Variants in HS3ST5 observed in about 807,000 individuals in gnomAD.
HS3ST5 encodes the protein heparan sulfate-glucosamine 3-sulfotransferase 5.
Under a neutral mutation model 25.4 loss-of-function variants are expected in HS3ST5, and 10 were observed. The observed-to-expected ratio is 0.39, with a 90% CI of 0.24 to 0.67. The LOEUF is 0.67. Among genes scored for constraint, HS3ST5 ranks in the 30% least tolerant of loss-of-function variants. The pLI, the probability that HS3ST5 is intolerant of heterozygous loss-of-function variation, is 0.44. For synonymous variants in HS3ST5, 170 were observed against 162.4 expected (o/e 1.05, Z -0.36); for missense variants, 324 against 420.7 (o/e 0.77, Z 2.01).
intron 1 of HS3ST5, among the ~76,000 whole-genome samples, chr6:114,232,258 A>C (rs1404320660): frequency 2.0e-5 from 3 of 152,216 alleles, no homozygotes; most frequent in Non-Finnish European, 2.9e-5. Context: ...GTATATACTA[A>C]TAAGAAAGCT....
Position 114,097,393 on chromosome 6 carries a change from C to A in HS3ST5, c.-32-34516G>T, listed in dbSNP as rs538022081. On this transcript the variant is annotated intron_variant, in intron 3 of 4. Coordinates refer to ENST00000312719, the MANE Select transcript of HS3ST5 (RefSeq NM_153612.4). ...GCAAAATGCAAAACTTGTTTAACAA[C>A]TTTTCCTAGGAACATTAAAACATAT... 7.2e-5 allele frequency among the ~76,000 whole-genome samples: 11 copies of A among 151,978 alleles called. 1 individual carries two copies. In the East Asian group the frequency reaches 2.1e-3, roughly 29 times the overall value.
intron 1 of HS3ST5, among the ~76,000 whole-genome samples, chr6:114,257,924 T>C (rs1171526072): frequency 6.6e-6 from 1 of 151,984 alleles, no homozygotes; most frequent in African/African-American, 2.4e-5. Flanking sequence ...GATAGATAGA[T>C]AGATTGATTG....
At chr6:114,117,466 T>C (rs1272997537) in intron 3 of HS3ST5, among the ~76,000 whole-genome samples, 1 of 152,162 alleles carries the variant, frequency 6.6e-6, no homozygotes, top group East Asian at 1.9e-4. Context: ...TTCTGTAAAT[T>C]AGGGTAATAC....
chr6:114,077,576 A>T (rs1430951321), intron 3 of HS3ST5, among the ~76,000 whole-genome samples: 1 of 152,214 alleles, frequency 6.6e-6, no homozygotes, highest in African/African-American at 2.4e-5. Flanking sequence ...ACATCATTCT[A>T]GTGATATAGG....
chr6:114,183,556 C>T (rs1283757923), intron 2 of HS3ST5, among the ~76,000 whole-genome samples: 1 of 152,168 alleles, frequency 6.6e-6, no homozygotes. Context: ...CCTATTGGTT[C>T]TGTGTCTCTG....
At chr6:114,312,120 A>G (rs745405019) in intron 1 of HS3ST5, among the ~76,000 whole-genome samples, 3 of 152,224 alleles carry the variant, frequency 2.0e-5, no homozygotes, top group Non-Finnish European at 4.4e-5. Flanking sequence ...CTAATACTAA[A>G]TTCTCCAGGA....
intron 3 of HS3ST5, among the ~76,000 whole-genome samples, chr6:114,080,735 A>G (rs1228004796): frequency 6.6e-6 from 1 of 152,210 alleles, no homozygotes; most frequent in Non-Finnish European, 1.5e-5. Context: ...AACATTGAGC[A>G]CCCATGGACA....
chr6:114,193,613 GA>G (rs571854009), intron 2 of HS3ST5, among the ~76,000 whole-genome samples: 4 of 152,216 alleles, frequency 2.6e-5, no homozygotes, highest in African/African-American at 9.6e-5. Flanking sequence ...TATATAATAG[GA>G]AAAGAAACAG....
chr6:114,276,720 C>T (rs1210167117), intron 1 of HS3ST5, among the ~76,000 whole-genome samples: 3 of 151,784 alleles, frequency 2.0e-5, no homozygotes, highest in South Asian at 4.2e-4. Context: ...CTCTTTAACT[C>T]ATATTTTATA....
At chr6:114,155,984 C>A (rs542478636) in intron 3 of HS3ST5, among the ~76,000 whole-genome samples, 1 of 152,174 alleles carries the variant, frequency 6.6e-6, no homozygotes, top group African/African-American at 2.4e-5. Context: ...AAAAACAAAT[C>A]CTGAGGAAAA....
intron 3 of HS3ST5, among the ~76,000 whole-genome samples, chr6:114,073,685 TTGATGGGAGTGTAAACTACCTAC>T (rs1179086350): frequency 6.6e-6 from 1 of 152,196 alleles, no homozygotes; most frequent in Non-Finnish European, 1.5e-5. Context: ...TTTTACACTG[TTGATGGGAGTGTAAACTACCTAC>T]TAGTTCAATC....
At chr6:114,254,267 AT>A in intron 1 of HS3ST5, among the ~76,000 whole-genome samples, 1 of 152,360 alleles carries the variant, frequency 6.6e-6, no homozygotes, top group Middle Eastern at 3.4e-3. Flanking sequence ...TCCCAAATGA[AT>A]GTGTTTAAAT....
At chr6:114,155,092 G>C (rs780166234) in intron 3 of HS3ST5, among the ~76,000 whole-genome samples, 1 of 152,154 alleles carries the variant, frequency 6.6e-6, no homozygotes, top group Non-Finnish European at 1.5e-5. Context: ...TGCTTGAGAC[G>C]TATTTGTTGA....
At chr6:114,142,503 C>T (rs187020315) in intron 3 of HS3ST5, among the ~76,000 whole-genome samples, 45 of 152,060 alleles carry the variant, frequency 3.0e-4, no homozygotes, top group African/African-American at 1.0e-3. Context: ...GCAGTTACTG[C>T]GAGGGTGGGT....
intron 2 of HS3ST5, among the ~76,000 whole-genome samples, chr6:114,177,376 G>A (rs756234298): frequency 6.6e-6 from 1 of 152,312 alleles, no homozygotes; most frequent in Non-Finnish European, 1.5e-5. Context: ...TCACTCTAGT[G>A]TTCCTAAAGT....
chr6:114,207,054 C>T (rs567382430), intron 2 of HS3ST5, among the ~76,000 whole-genome samples: 2 of 152,246 alleles, frequency 1.3e-5, no homozygotes, highest in African/African-American at 4.8e-5. Context: ...TTATTTATTG[C>T]TATTCAATTC....
chr6:114,326,400 A>G (rs1392527978), intron 1 of HS3ST5, among the ~76,000 whole-genome samples: 1 of 152,084 alleles, frequency 6.6e-6, no homozygotes, highest in Non-Finnish European at 1.5e-5. Flanking sequence ...AAACAAAACA[A>G]AACAAAACAA....
chr6:114,320,041 T>G (rs550048228), intron 1 of HS3ST5, among the ~76,000 whole-genome samples: 2 of 152,210 alleles, frequency 1.3e-5, no homozygotes, highest in African/African-American at 4.8e-5. Context: ...TAATAATAAC[T>G]ATTAGAACTT....
chr6:114,318,256 CAT>C (rs1775823740), intron 1 of HS3ST5, among the ~76,000 whole-genome samples: 1 of 152,168 alleles, frequency 6.6e-6, no homozygotes, highest in Non-Finnish European at 1.5e-5. Flanking sequence ...AAGCATAGGA[CAT>C]ATATTTTTTT....
Sources: gnomAD v4.1 joint callset for allele counts (sites outside exome capture counted in the v4.1 genomes callset) on GRCh38, gnomAD v4.1.1 for gene constraint, MANE v1.5 for transcripts, NCBI Gene and HGNC (gene_info 2026-07-23, HGNC 2026-07-21) for gene names.